SGMS1: variants seen among roughly 807,000 people sequenced by gnomAD.
The protein encoded by SGMS1 is sphingomyelin synthase 1.
A neutral mutation model predicts 46.2 loss-of-function variants in SGMS1; 13 were observed. That is an observed-to-expected ratio of 0.28 (90% CI 0.18 to 0.45). SGMS1 has a LOEUF of 0.45. Among genes scored for constraint, SGMS1 ranks in the 20% least tolerant of loss-of-function variants. The pLI, the probability that SGMS1 is intolerant of heterozygous loss-of-function variation, is 1.00. For synonymous variants in SGMS1, 203 were observed against 187.8 expected (o/e 1.08, Z -0.66); for missense variants, 324 against 519.9 (o/e 0.62, Z 3.66).
intron 6 of SGMS1, among the ~76,000 whole-genome samples, chr10:50,362,924 T>A (rs1437395543): frequency 6.6e-6 from 1 of 151,768 alleles, no homozygotes; most frequent in Non-Finnish European, 1.5e-5. Flanking sequence ...TAAAAGCAGA[T>A]CAAAAGAGGA....
intron 5 of SGMS1, among the ~76,000 whole-genome samples, chr10:50,434,200 G>A (rs1407323525): frequency 6.6e-6 from 1 of 152,164 alleles, no homozygotes; most frequent in African/African-American, 2.4e-5. Flanking sequence ...TCAGAACAAT[G>A]TGTTTACTTT....
chr10:50,409,829 T>C (rs919400201), intron 6 of SGMS1, among the ~76,000 whole-genome samples: 2 of 152,106 alleles, frequency 1.3e-5, no homozygotes, highest in Admixed American at 6.5e-5. Context: ...GACAATTATA[T>C]AGGAAAGTAC....
chr10:50,607,543 T>A (rs1394548706), intron 1 of SGMS1, among the ~76,000 whole-genome samples: 1 of 152,214 alleles, frequency 6.6e-6, no homozygotes, highest in Non-Finnish European at 1.5e-5. Flanking sequence ...ACAGCTCTGT[T>A]ATCTTGAAAG....
chr10:50,592,821 A>C (rs2131895286), intron 1 of SGMS1, among the ~76,000 whole-genome samples: 1 of 152,340 alleles, frequency 6.6e-6, no homozygotes, highest in East Asian at 1.9e-4. Flanking sequence ...CTAAAGAAAA[A>C]TGAGCTCGCC....
chr10:50,486,738 G>A (rs1052102156), intron 3 of SGMS1, among the ~76,000 whole-genome samples: 4 of 152,216 alleles, frequency 2.6e-5, no homozygotes, highest in African/African-American at 9.6e-5. Context: ...AACCATTGTG[G>A]AAGACAATGT....
intron 8 of SGMS1, among the ~76,000 whole-genome samples, chr10:50,326,626 G>A (rs1362008694): frequency 6.6e-6 from 1 of 152,206 alleles, no homozygotes; most frequent in Non-Finnish European, 1.5e-5. Flanking sequence ...CAAGGTAAAG[G>A]TTAGGAGGTG....
chr10:50,316,058 A>C (rs1263047403), intron 8 of SGMS1, among the ~76,000 whole-genome samples: 1 of 152,156 alleles, frequency 6.6e-6, no homozygotes, highest in African/African-American at 2.4e-5. Flanking sequence ...TGCTAACATA[A>C]TGTACTGATG....
intron 3 of SGMS1, among the ~76,000 whole-genome samples, chr10:50,516,678 T>C (rs527858228): frequency 6.6e-6 from 1 of 152,242 alleles, no homozygotes; most frequent in African/African-American, 2.4e-5. Context: ...TATCCTTAGG[T>C]GAAATAAAGG....
intron 6 of SGMS1, among the ~76,000 whole-genome samples, chr10:50,369,843 T>G (rs1219255319): frequency 6.6e-6 from 1 of 152,224 alleles, no homozygotes; most frequent in Non-Finnish European, 1.5e-5. Flanking sequence ...TGTCATGGTG[T>G]GAACATCACA....
intron 7 of SGMS1, among the ~76,000 whole-genome samples, chr10:50,336,919 A>G (rs1292116175): frequency 2.0e-5 from 3 of 152,198 alleles, no homozygotes. Context: ...CTTGAATAGG[A>G]TAATAATTTT....
chr10:50,420,198 C>T (rs1048498438), intron 6 of SGMS1, among the ~76,000 whole-genome samples: 1 of 152,194 alleles, frequency 6.6e-6, no homozygotes, highest in Non-Finnish European at 1.5e-5. Flanking sequence ...CTCTCATATT[C>T]CTCATAAAGG....
intron 6 of SGMS1, among the ~76,000 whole-genome samples, chr10:50,378,617 C>CAT (rs1471333905): frequency 2.0e-5 from 3 of 152,180 alleles, no homozygotes; most frequent in East Asian, 3.9e-4. Flanking sequence ...ACCCCAAACT[C>CAT]ATATATATAT....
At chr10:50,322,318 T>G (rs1847458679) in intron 8 of SGMS1, among the ~76,000 whole-genome samples, 1 of 152,222 alleles carries the variant, frequency 6.6e-6, no homozygotes, top group Non-Finnish European at 1.5e-5. Flanking sequence ...TTAGTCACTA[T>G]TAGATTAACT....
intron 2 of SGMS1, among the ~76,000 whole-genome samples, chr10:50,547,491 A>G (rs1387160643): frequency 1.3e-5 from 2 of 152,198 alleles, no homozygotes; most frequent in South Asian, 2.1e-4. Context: ...AAACTTAACC[A>G]GGAAGAAATT....
At chr10:50,531,299 C>T (rs1339153815) in intron 2 of SGMS1, among the ~76,000 whole-genome samples, 2 of 152,054 alleles carry the variant, frequency 1.3e-5, no homozygotes, top group African/African-American at 4.8e-5. Context: ...GTACCTTACT[C>T]TCTGCTCAAC....
At chr10:50,551,830 T>C (rs1442258888) in intron 2 of SGMS1, among the ~76,000 whole-genome samples, 4 of 152,124 alleles carry the variant, frequency 2.6e-5, no homozygotes, top group African/African-American at 9.7e-5. Flanking sequence ...TATTCTCCGA[T>C]CCATCCTCCA....
intron 2 of SGMS1, among the ~76,000 whole-genome samples, chr10:50,542,208 A>G (rs960768373): frequency 6.6e-6 from 1 of 152,220 alleles, no homozygotes; most frequent in African/African-American, 2.4e-5. Context: ...AAAGACTTCT[A>G]CGGCATAAAA....
At chr10:50,427,694 T>C (rs1006363839) in intron 6 of SGMS1, among the ~76,000 whole-genome samples, 1 of 152,148 alleles carries the variant, frequency 6.6e-6, no homozygotes, top group African/African-American at 2.4e-5. Context: ...GCACCCAACA[T>C]TGTCTACCTT....
chr10:50,622,360 T>A (rs1236277500), intron 1 of SGMS1, among the ~76,000 whole-genome samples: 1 of 152,066 alleles, frequency 6.6e-6, no homozygotes, highest in Non-Finnish European at 1.5e-5. Context: ...ACGTCACCAG[T>A]CCCACTCCTC....
Sources: gnomAD v4.1 joint callset for allele counts (sites outside exome capture counted in the v4.1 genomes callset) on GRCh38, gnomAD v4.1.1 for gene constraint, MANE v1.5 for transcripts, NCBI Gene and HGNC (gene_info 2026-07-23, HGNC 2026-07-21) for gene names.